Variants in PCDH9 observed in about 807,000 individuals in gnomAD.
PCDH9 encodes the protein protocadherin 9, also known as protocadherin-9.
A neutral mutation model predicts 70.6 loss-of-function variants in PCDH9; 24 were observed. That is an observed-to-expected ratio of 0.34 (90% CI 0.25 to 0.48). The LOEUF (loss-of-function observed/expected upper bound fraction) is 0.48. PCDH9 is among the 20% of genes least tolerant of loss of function. The pLI is 0.99. For missense variants in PCDH9, 1,281 were observed against 1,503.6 expected (o/e 0.85, Z 2.45); for synonymous variants, 562 against 558.5 (o/e 1.01, Z -0.09).
chr13:67,065,800 C>A (rs779901584), intron 2 of PCDH9, among the ~76,000 whole-genome samples: 2 of 152,152 alleles, frequency 1.3e-5, no homozygotes, highest in Non-Finnish European at 2.9e-5. Flanking sequence ...GCTATTGTCA[C>A]TCCTTTGGTG....
chr13:67,141,275 A>G (rs2138358077), intron 2 of PCDH9, among the ~76,000 whole-genome samples: 1 of 152,210 alleles, frequency 6.6e-6, no homozygotes, highest in East Asian at 1.9e-4. Flanking sequence ...ATGAAAGATT[A>G]GTAGTGGGAA....
chr13:66,734,530 C>T (rs550333400), intron 3 of PCDH9, among the ~76,000 whole-genome samples: 7 of 152,226 alleles, frequency 4.6e-5, no homozygotes, highest in South Asian at 2.1e-4. Context: ...GCTTTCTTAA[C>T]GACTGTGTCC....
At chr13:66,562,197 A>G (rs1238680989) in intron 4 of PCDH9, among the ~76,000 whole-genome samples, 1 of 152,116 alleles carries the variant, frequency 6.6e-6, no homozygotes, top group Non-Finnish European at 1.5e-5. Context: ...ATATATTTAA[A>G]AGGAAAAAAA....
chr13:67,025,825 CT>C (rs996163319), intron 2 of PCDH9, among the ~76,000 whole-genome samples: 2 of 152,022 alleles, frequency 1.3e-5, no homozygotes, highest in Admixed American at 1.3e-4. Flanking sequence ...CTTAATAAAT[CT>C]GTTTGAAAAG....
At chr13:66,741,831 G>A (rs1451067106) in intron 3 of PCDH9, among the ~76,000 whole-genome samples, 3 of 97,328 alleles carry the variant, frequency 3.1e-5, no homozygotes, top group African/African-American at 1.1e-4. Context: ...CACTGCTCAC[G>A]GAAATAAAAG....
chr13:66,742,591 T>C (rs1162269187), intron 3 of PCDH9, among the ~76,000 whole-genome samples: 1 of 136,224 alleles, frequency 7.3e-6, no homozygotes, highest in African/African-American at 2.8e-5. Context: ...CGCAACCTAC[T>C]CATCTGACAA....
chr13:67,170,602 G>C (rs1237674092), intron 2 of PCDH9, among the ~76,000 whole-genome samples: 1 of 152,144 alleles, frequency 6.6e-6, no homozygotes, highest in East Asian at 1.9e-4. Context: ...AATGGGAATT[G>C]CATATTTTAC....
At chr13:66,784,319 G>A (rs9529139) in intron 3 of PCDH9, among the ~76,000 whole-genome samples, 76,382 of 151,896 alleles carry the variant, frequency 0.5, 21,534 homozygotes, top group Non-Finnish European at 0.64. Flanking sequence ...GAAAAGGATG[G>A]TTTTACCTAT....
At chr13:66,723,052 T>A (rs1034607574) in intron 3 of PCDH9, among the ~76,000 whole-genome samples, 3 of 152,116 alleles carry the variant, frequency 2.0e-5, no homozygotes, top group African/African-American at 7.2e-5. Flanking sequence ...GCTCCTGTGT[T>A]GCAAGGCATA....
At chr13:66,965,418 A>G (rs2139734833) in intron 2 of PCDH9, among the ~76,000 whole-genome samples, 1 of 151,970 alleles carries the variant, frequency 6.6e-6, no homozygotes, top group African/African-American at 2.4e-5. Context: ...TCCAATTTTC[A>G]TCTTTCCTCG....
chr13:67,132,201 G>T (rs2087126127), intron 2 of PCDH9, among the ~76,000 whole-genome samples: 1 of 152,140 alleles, frequency 6.6e-6, no homozygotes, highest in African/African-American at 2.4e-5. Context: ...AACAAGAAAA[G>T]AATGACTATT....
chr13:66,589,854 A>T (rs1409593461), intron 4 of PCDH9, among the ~76,000 whole-genome samples: 1 of 152,138 alleles, frequency 6.6e-6, no homozygotes, highest in African/African-American at 2.4e-5. Context: ...AAATAACTTT[A>T]TATCTGGTGA....
chr13:66,357,890 T>C (rs754038357), intron 4 of PCDH9, among the ~76,000 whole-genome samples: 7 of 152,024 alleles, frequency 4.6e-5, no homozygotes, highest in East Asian at 1.9e-4. Context: ...CTATATAATA[T>C]ACCTTTTAGA....
intron 4 of PCDH9, among the ~76,000 whole-genome samples, chr13:66,520,531 C>T (rs1959943417): frequency 6.6e-6 from 1 of 152,172 alleles, no homozygotes. Flanking sequence ...AAGCAATCTC[C>T]CTGGGAACAG....
At chr13:66,703,619 A>T (rs1313524502) in intron 3 of PCDH9, among the ~76,000 whole-genome samples, 2 of 152,164 alleles carry the variant, frequency 1.3e-5, no homozygotes, top group Non-Finnish European at 2.9e-5. Flanking sequence ...CATTTCTTGC[A>T]GGGCGTGGTG....
At chr13:66,997,272 C>A (rs1195791100) in intron 2 of PCDH9, among the ~76,000 whole-genome samples, 1 of 152,062 alleles carries the variant, frequency 6.6e-6, no homozygotes, top group South Asian at 2.1e-4. Flanking sequence ...CTGGTGAGGG[C>A]CTCAGGAAAT....
intron 3 of PCDH9, among the ~76,000 whole-genome samples, chr13:66,730,779 A>G (rs540963940): frequency 2.0e-5 from 3 of 151,628 alleles, no homozygotes; most frequent in Admixed American, 2.0e-4. Context: ...TGCAGGCTCA[A>G]GTGATCCTCC....
chr13:66,494,604 T>C (rs908241351), intron 4 of PCDH9, among the ~76,000 whole-genome samples: 4 of 152,126 alleles, frequency 2.6e-5, no homozygotes, highest in Non-Finnish European at 5.9e-5. Flanking sequence ...CCCACCATTC[T>C]ACTGCCAACA....
chr13:67,210,593 A>G (rs548303552), intron 2 of PCDH9: 6 of 152,118 alleles, frequency 3.9e-5, no homozygotes, highest in African/African-American at 1.4e-4. Flanking sequence ...TAAGTAATTA[A>G]CAAAAGCTGT....
Sources: allele counts gnomAD v4.1 joint callset (sites outside exome capture counted in the v4.1 genomes callset), GRCh38; gene constraint gnomAD v4.1.1; transcripts MANE v1.5; gene names NCBI Gene and HGNC (gene_info 2026-07-23, HGNC 2026-07-21).